CNTNAP2: variants seen among roughly 807,000 people sequenced by gnomAD.
CNTNAP2 encodes the protein contactin-associated protein-like 2.
A neutral mutation model predicts 155.2 loss-of-function variants in CNTNAP2; 98 were observed. The observed-to-expected ratio is 0.63, with a 90% CI of 0.54 to 0.75. The LOEUF is 0.75. Among genes scored for constraint, CNTNAP2 ranks in the 30% least tolerant of loss-of-function variants. The probability of loss-of-function intolerance (pLI) is 0.00; values close to 1 mark genes in which losing one functional copy is unlikely to be tolerated. For synonymous variants in CNTNAP2, 651 were observed against 631.2 expected (o/e 1.03, Z -0.47); for missense variants, 1,727 against 1,688.1 (o/e 1.02, Z -0.40).
chr7:146,654,858 A>G (rs1799970316), intron 1 of CNTNAP2, among the ~76,000 whole-genome samples: 2 of 152,162 alleles, frequency 1.3e-5, no homozygotes, highest in African/African-American at 4.8e-5. Flanking sequence ...TCATATTATT[A>G]GCAGCTTAGA....
intron 2 of CNTNAP2, among the ~76,000 whole-genome samples, chr7:146,822,759 G>A (rs958606121): frequency 2.1e-5 from 3 of 143,172 alleles, no homozygotes; most frequent in African/African-American, 5.1e-5. Context: ...GTATACTTAA[G>A]AATATTTATA....
chr7:146,524,340 T>C lies in CNTNAP2; in HGVS notation c.98-249931T>C, dbSNP rs148154701. On this transcript the variant is annotated intron_variant, in intron 1 of 23. Transcript: ENST00000361727. Reference sequence around the variant, plus strand: ...ATCGGGGATCATCATTCCTCATTCATAGGAGTCTCAGGGTAGAAATCATAA... The same window carrying C: ...ATCGGGGATCATCATTCCTCATTCACAGGAGTCTCAGGGTAGAAATCATAA... Among the ~76,000 whole-genome samples, 14 of 152,216 alleles carry C rather than the reference T, an allele frequency of 9.2e-5. No individual in the cohort carries two copies. In the East Asian group the frequency reaches 2.7e-3, roughly 29 times the overall value.
rs539931529 is a variant in CNTNAP2, at chr7:147,039,450, A to G, written c.403-4457A>G. 5.6e-4 allele frequency among the ~76,000 whole-genome samples: 85 copies of G among 152,266 alleles called. No individual in the cohort carries two copies. In the Middle Eastern group the frequency reaches 0.01, roughly 18 times the overall value. On this transcript the variant is annotated intron_variant, in intron 3 of 23. Coordinates refer to ENST00000361727, the MANE Select transcript of CNTNAP2 (RefSeq NM_014141.6). Reference sequence around the variant, plus strand: ...CTCATCATTTAGCTCCCACTTACAAATGAGAACATGTGGTATTTGGTTTTC... The same window carrying G: ...CTCATCATTTAGCTCCCACTTACAAGTGAGAACATGTGGTATTTGGTTTTC...
At chr7:148,103,630 A>G (rs975579942) in intron 15 of CNTNAP2, among the ~76,000 whole-genome samples, 24 of 125,484 alleles carry the variant, frequency 1.9e-4, no homozygotes, top group Admixed American at 1.6e-3. Context: ...TCTAAGCTCC[A>G]ATGCTTCACA....
intron 15 of CNTNAP2, among the ~76,000 whole-genome samples, chr7:147,983,630 G>A (rs549452444): frequency 1.3e-5 from 2 of 152,280 alleles, no homozygotes; most frequent in Admixed American, 6.5e-5. Context: ...TATATGTGAG[G>A]TATACATTGG....
At chr7:147,168,069 ATATT>A (rs1180835406) in intron 8 of CNTNAP2, among the ~76,000 whole-genome samples, 11 of 148,844 alleles carry the variant, frequency 7.4e-5, no homozygotes, top group Non-Finnish European at 1.5e-4. Flanking sequence ...AAACATATAT[ATATT>A]TATACATATA....
rs959873036 is a variant in CNTNAP2, at chr7:147,338,325, T to G, written c.1498+38035T>G. ...CCTTGAAATTTTAAAAACTTGAAATTTTTAGCCTAAGTATTTCTTTTCCTC... is the reference window on the plus strand; with the variant it reads ...CCTTGAAATTTTAAAAACTTGAAATGTTTAGCCTAAGTATTTCTTTTCCTC... On this transcript the variant is annotated intron_variant, in intron 9 of 23. Transcript: ENST00000361727. 7.8e-5 allele frequency among the ~76,000 whole-genome samples: 11 copies of G among 141,746 alleles called. No individual in the cohort carries two copies. In the Admixed American group the frequency reaches 8.1e-4, roughly 10 times the overall value. 93.0% of individuals were successfully genotyped at this position (141,746 alleles called of 152,430 possible).
intron 1 of CNTNAP2, among the ~76,000 whole-genome samples, chr7:146,637,760 C>T (rs1799623715): frequency 6.6e-6 from 1 of 152,102 alleles, no homozygotes; most frequent in Non-Finnish European, 1.5e-5. Context: ...ATAAATGTAA[C>T]TCAGACTGGT....
At chr7:147,121,957 C>T (rs1801123062) in intron 6 of CNTNAP2, 2 of 152,104 alleles carry the variant, frequency 1.3e-5, no homozygotes, top group Non-Finnish European at 2.9e-5. Flanking sequence ...GCGGGCGGAT[C>T]ACAGGGTCAG....
chr7:148,324,569 G>A (rs116364883), intron 21 of CNTNAP2, among the ~76,000 whole-genome samples: 7,504 of 152,156 alleles, frequency 0.049, 363 homozygotes, highest in Admixed American at 0.14. Flanking sequence ...AGGCCAAGGC[G>A]GTTGGGTCAT....
intron 1 of CNTNAP2, among the ~76,000 whole-genome samples, chr7:146,145,340 C>G (rs1009047223): frequency 2.6e-5 from 4 of 152,172 alleles, no homozygotes; most frequent in African/African-American, 9.7e-5. Context: ...CCTGGCCTCT[C>G]TTACTTCCAA....
chr7:148,055,858 T>C (rs1486472371), intron 15 of CNTNAP2, among the ~76,000 whole-genome samples: 2 of 152,178 alleles, frequency 1.3e-5, no homozygotes, highest in Admixed American at 6.5e-5. Context: ...AGTGGGTTTC[T>C]TATATTTTGG....
At chr7:147,831,369 G>A (rs1438977660) in intron 13 of CNTNAP2, among the ~76,000 whole-genome samples, 1 of 152,128 alleles carries the variant, frequency 6.6e-6, no homozygotes, top group Non-Finnish European at 1.5e-5. Flanking sequence ...ACACAGAAAT[G>A]AACAGAACAG....
chr7:147,319,154 A>C (rs1400444173), intron 9 of CNTNAP2, among the ~76,000 whole-genome samples: 1 of 152,138 alleles, frequency 6.6e-6, no homozygotes, highest in Non-Finnish European at 1.5e-5. Flanking sequence ...CCAGTATAGA[A>C]TGTCCATAAA....
chr7:147,014,241 T>G (rs529904339), intron 3 of CNTNAP2, among the ~76,000 whole-genome samples: 1 of 149,490 alleles, frequency 6.7e-6, no homozygotes, highest in Non-Finnish European at 1.5e-5. Context: ...GAATATAACA[T>G]AAAAAACCCT....
chr7:147,898,523 T>C (rs2708269), intron 13 of CNTNAP2, among the ~76,000 whole-genome samples: 1 of 151,408 alleles, frequency 6.6e-6, no homozygotes, highest in Non-Finnish European at 1.5e-5. Flanking sequence ...TATACCCAGA[T>C]TTTTTTTTCT....
intron 8 of CNTNAP2, among the ~76,000 whole-genome samples, chr7:147,150,662 A>G (rs1801806713): frequency 1.3e-5 from 2 of 152,170 alleles, no homozygotes; most frequent in South Asian, 2.1e-4. Context: ...AAACTGAAAA[A>G]TATTGTTATA....
intron 20 of CNTNAP2, among the ~76,000 whole-genome samples, chr7:148,248,626 T>TATAC (rs1267697450): frequency 2.6e-5 from 4 of 152,250 alleles, no homozygotes; most frequent in African/African-American, 9.6e-5. Context: ...CACTTATGAA[T>TATAC]ATACCCCCAT....
intron 13 of CNTNAP2, among the ~76,000 whole-genome samples, chr7:147,712,940 C>T (rs564146836): frequency 2.0e-5 from 3 of 152,224 alleles, no homozygotes; most frequent in African/African-American, 7.2e-5. Context: ...TCTGCCCACC[C>T]TTTTGACATT....
Sources: allele counts gnomAD v4.1 joint callset (sites outside exome capture counted in the v4.1 genomes callset), GRCh38; gene constraint gnomAD v4.1.1; transcripts MANE v1.5; gene names NCBI Gene and HGNC (gene_info 2026-07-23, HGNC 2026-07-21).